Variants in DMRT1 observed in about 807,000 individuals in gnomAD.
DMRT1 encodes doublesex- and mab-3-related transcription factor 1.
DMRT1 carries 7 observed loss-of-function variants against 32.3 expected under a neutral mutation model. The observed-to-expected ratio is 0.22, with a 90% confidence interval of 0.12 to 0.41. DMRT1 has a LOEUF of 0.41. Among genes scored for constraint, DMRT1 ranks in the 10% least tolerant of loss-of-function variants. The pLI is 1.00. For synonymous variants in DMRT1, 278 were observed against 206.1 expected, an observed-to-expected ratio of 1.35 and a Z score of -2.99; for missense variants, 625 against 500.5, an observed-to-expected ratio of 1.25 and a Z score of -2.37.
At chr9:953,171 A>G (rs1337377349) in intron 4 of DMRT1, among the ~76,000 whole-genome samples, 3 of 152,126 alleles carry the variant, frequency 2.0e-5, no homozygotes, top group Non-Finnish European at 2.9e-5. Flanking sequence ...TCTTGTTTAC[A>G]TTTTCAGTCA....
intron 2 of DMRT1, among the ~76,000 whole-genome samples, chr9:852,086 A>G (rs7046773): frequency 4.0e-5 from 6 of 151,728 alleles, no homozygotes; most frequent in Non-Finnish European, 5.9e-5. Context: ...ATTACAGGCG[A>G]TCACCACCAC....
chr9:968,232 T>C lies in DMRT1; in HGVS notation c.*93T>C. 1.4e-6 allele frequency: 2 copies of C among 1,459,370 alleles called. No individual in the cohort carries two copies. The highest frequency in any genetic ancestry group is 9.4e-7 in the Non-Finnish European group (1 of 1,063,290). The allele number at this position is 1,459,370 out of a possible 1,614,324, so 90.4% of individuals were successfully genotyped here. On this transcript the variant is annotated 3_prime_UTR_variant, in exon 5 of 5. Coordinates refer to ENST00000382276, the MANE Select transcript of DMRT1 (RefSeq NM_021951.3). ...TAATATTTTGCATTGACTCATACTA[T>C]CTTAACTGTTGAGAACGTATTTGGT...
chr9:917,952 T>C (rs1239751825), intron 4 of DMRT1, among the ~76,000 whole-genome samples: 1 of 152,196 alleles, frequency 6.6e-6, no homozygotes, highest in African/African-American at 2.4e-5. Context: ...TCACTTTCCG[T>C]TGGGAGTGGA....
intron 3 of DMRT1, among the ~76,000 whole-genome samples, chr9:895,801 C>CTTTTTTTTTTTTTTTTTTTTTTTTTT (rs1187539144): frequency 8.2e-6 from 1 of 121,984 alleles, no homozygotes; most frequent in African/African-American, 3.2e-5. Context: ...ATAACTGAAA[C>CTTTTTTTTTTTTTTTTTTTTTTTTTT]TTTTTTTTTT....
chr9:880,724 C>CAAAAAAAAA (rs754419367), intron 2 of DMRT1, among the ~76,000 whole-genome samples: 3 of 62,074 alleles, frequency 4.8e-5, no homozygotes, highest in Non-Finnish European at 7.0e-5. Context: ...AACTCAGTCT[C>CAAAAAAAAA]AAAAAAAAAA....
chr9:871,949 A>G (rs987881196), intron 2 of DMRT1, among the ~76,000 whole-genome samples: 1 of 151,432 alleles, frequency 6.6e-6, no homozygotes, highest in Non-Finnish European at 1.5e-5. Flanking sequence ...TCATCTCTCT[A>G]TATACCTATT....
At chr9:894,790 TG>T (rs1242156421) in intron 3 of DMRT1, 36 of 157,586 alleles carry the variant, frequency 2.3e-4, no homozygotes, top group Middle Eastern at 6.5e-3. Flanking sequence ...TCTCCAAGTT[TG>T]TTTTTTTTTT....
chr9:920,630 G>A (rs529408320), intron 4 of DMRT1, among the ~76,000 whole-genome samples: 1 of 152,346 alleles, frequency 6.6e-6, no homozygotes, highest in East Asian at 1.9e-4. Flanking sequence ...AGTGGGATGG[G>A]ACGTCAACCC....
chr9:848,641 C>T (rs1365335653), intron 2 of DMRT1, among the ~76,000 whole-genome samples: 1 of 149,632 alleles, frequency 6.7e-6, no homozygotes, highest in African/African-American at 2.5e-5. Flanking sequence ...GCAACCTCCA[C>T]CTCCTGGGTT....
Position 890,974 on chromosome 9 carries a change from A to C in DMRT1, c.539-2938A>C, listed in dbSNP as rs556030303. ...CGAACTCCTGACCTCAAATGATCAGACCTACCTCAGCCTCCCAAAGTACTG... is the reference window on the plus strand; with the variant it reads ...CGAACTCCTGACCTCAAATGATCAGCCCTACCTCAGCCTCCCAAAGTACTG... On this transcript the variant is annotated intron_variant, in intron 2 of 4. Coordinates refer to ENST00000382276, the MANE Select transcript of DMRT1 (RefSeq NM_021951.3). Among the ~76,000 whole-genome samples, 123 of 151,422 alleles carry C rather than the reference A, an allele frequency of 8.1e-4. 1 individual carries two copies. In the South Asian group the frequency reaches 0.014, roughly 18 times the overall value.
At chr9:877,264 G>A (rs1036103412) in intron 2 of DMRT1, among the ~76,000 whole-genome samples, 3 of 152,232 alleles carry the variant, frequency 2.0e-5, no homozygotes, top group East Asian at 1.9e-4. Context: ...GAGTGGTCTC[G>A]TTCCCAGGAT....
At chr9:915,361 T>C (rs1660199781) in intron 3 of DMRT1, among the ~76,000 whole-genome samples, 3 of 152,248 alleles carry the variant, frequency 2.0e-5, no homozygotes, top group African/African-American at 7.2e-5. Flanking sequence ...AGCCATCAAG[T>C]CATATCTTCT....
chr9:887,095 G>C (rs1010585788), intron 2 of DMRT1, among the ~76,000 whole-genome samples: 2 of 152,220 alleles, frequency 1.3e-5, no homozygotes, highest in Non-Finnish European at 2.9e-5. Flanking sequence ...AGAGGCTGAG[G>C]CAGGAGAATC....
intron 2 of DMRT1, among the ~76,000 whole-genome samples, chr9:872,511 C>G (rs541095516): frequency 6.6e-6 from 1 of 152,324 alleles, no homozygotes; most frequent in Middle Eastern, 3.4e-3. Flanking sequence ...CTGGTAACCA[C>G]TAGCCTACTT....
intron 3 of DMRT1, among the ~76,000 whole-genome samples, chr9:899,126 TTC>T (rs1173657494): frequency 2.6e-5 from 4 of 152,140 alleles, no homozygotes; most frequent in African/African-American, 9.7e-5. Flanking sequence ...GATAACTCCT[TTC>T]TGATTTATAT....
chr9:948,294 A>C (rs547115766), intron 4 of DMRT1, among the ~76,000 whole-genome samples: 1 of 152,262 alleles, frequency 6.6e-6, no homozygotes, highest in African/African-American at 2.4e-5. Context: ...TCGTTATCTT[A>C]AATGAGATGA....
chr9:869,208 T>C (rs971401506), intron 2 of DMRT1, among the ~76,000 whole-genome samples: 1 of 152,178 alleles, frequency 6.6e-6, no homozygotes, highest in African/African-American at 2.4e-5. Flanking sequence ...AAGGATATTC[T>C]ACTAAGGCCA....
intron 4 of DMRT1, among the ~76,000 whole-genome samples, chr9:963,327 C>T (rs78032091): frequency 0.014 from 2,118 of 152,252 alleles, 44 homozygotes; most frequent in African/African-American, 0.048. Flanking sequence ...TATGGTGTTA[C>T]GGAAAACACA....
intron 4 of DMRT1, among the ~76,000 whole-genome samples, chr9:925,895 G>T (rs1346351941): frequency 1.3e-5 from 2 of 152,298 alleles, no homozygotes; most frequent in Admixed American, 6.5e-5. Flanking sequence ...TTTATCCAAG[G>T]CCTCACTGGG....
Sources: gnomAD v4.1 joint callset for allele counts (sites outside exome capture counted in the v4.1 genomes callset) on GRCh38, gnomAD v4.1.1 for gene constraint, MANE v1.5 for transcripts, NCBI Gene and HGNC (gene_info 2026-07-23, HGNC 2026-07-21) for gene names.